WWOX: variants seen among roughly 807,000 people sequenced by gnomAD.
The protein encoded by WWOX is WW domain containing oxidoreductase.
A neutral mutation model predicts 46.2 loss-of-function variants in WWOX; 69 were observed. That is an observed-to-expected ratio of 1.49 (90% CI 1.23 to 1.82). The LOEUF (loss-of-function observed/expected upper bound fraction) is 1.82. WWOX is among the 40% of genes most tolerant of loss of function. The pLI is 0.00. For synonymous variants in WWOX, 359 were observed against 202.6 expected (o/e 1.77, Z -6.56); for missense variants, 919 against 542.6 (o/e 1.69, Z -6.89).
chr16:78,861,799 G>A (rs1283083258), intron 8 of WWOX, among the ~76,000 whole-genome samples: 1 of 152,092 alleles, frequency 6.6e-6, no homozygotes, highest in Non-Finnish European at 1.5e-5. Context: ...AAAAAGTCCA[G>A]AAATTGTTGA....
At chr16:78,865,919 C>T (rs369861113) in intron 8 of WWOX, among the ~76,000 whole-genome samples, 1 of 152,128 alleles carries the variant, frequency 6.6e-6, no homozygotes, top group Non-Finnish European at 1.5e-5. Context: ...GTGATAGTTA[C>T]TCAACAAATC....
intron 8 of WWOX, among the ~76,000 whole-genome samples, chr16:78,649,735 C>G (rs2046924027): frequency 6.6e-6 from 1 of 152,168 alleles, no homozygotes; most frequent in Non-Finnish European, 1.5e-5. Flanking sequence ...TGTGTTAAGT[C>G]TACAGTGTAT....
chr16:79,070,089 C>A (rs1437784846), intron 8 of WWOX, among the ~76,000 whole-genome samples: 2 of 152,194 alleles, frequency 1.3e-5, no homozygotes, highest in Non-Finnish European at 2.9e-5. Context: ...CTCCTCAAGA[C>A]TTATCATTCA....
chr16:78,104,484 A>G (rs1169650316), intron 1 of WWOX, among the ~76,000 whole-genome samples: 1 of 152,198 alleles, frequency 6.6e-6, no homozygotes, highest in African/African-American at 2.4e-5. Flanking sequence ...AGCCTGGGCC[A>G]CAGAATGAGA....
intron 8 of WWOX, among the ~76,000 whole-genome samples, chr16:78,982,656 G>T (rs992575955): frequency 2.0e-5 from 3 of 152,176 alleles, no homozygotes; most frequent in Non-Finnish European, 4.4e-5. Flanking sequence ...TATTTCTGGT[G>T]CAGGAGGACT....
chr16:78,107,776 C>G (rs2032244430), intron 1 of WWOX, among the ~76,000 whole-genome samples: 1 of 152,054 alleles, frequency 6.6e-6, no homozygotes, highest in South Asian at 2.1e-4. Flanking sequence ...TCCAGTCCAG[C>G]CTGGGCAACA....
chr16:78,493,550 T>C (rs965378612), intron 8 of WWOX, among the ~76,000 whole-genome samples: 1 of 152,214 alleles, frequency 6.6e-6, no homozygotes, highest in South Asian at 2.1e-4. Context: ...TAAAATATCT[T>C]TGGGGTGTTT....
chr16:78,829,298 A>T (rs1458509666), intron 8 of WWOX, among the ~76,000 whole-genome samples: 1 of 152,222 alleles, frequency 6.6e-6, no homozygotes, highest in Non-Finnish European at 1.5e-5. Flanking sequence ...CCTCATCCAA[A>T]GGCAGAAGAC....
intron 8 of WWOX, among the ~76,000 whole-genome samples, chr16:78,978,449 C>T (rs1228929906): frequency 1.3e-5 from 2 of 152,130 alleles, no homozygotes; most frequent in Admixed American, 1.3e-4. Flanking sequence ...GTTGCATTCC[C>T]ACCAGCGAAG....
chr16:78,611,011 C>T (rs1244608576), intron 8 of WWOX, among the ~76,000 whole-genome samples: 2 of 152,114 alleles, frequency 1.3e-5, no homozygotes, highest in Admixed American at 6.5e-5. Context: ...AAGTAGGAAG[C>T]AGGCAGAGTT....
chr16:78,732,994 C>G (rs1259120754), intron 8 of WWOX, among the ~76,000 whole-genome samples: 1 of 152,098 alleles, frequency 6.6e-6, no homozygotes, highest in East Asian at 1.9e-4. Context: ...CTTTTCTTTT[C>G]TAGTCTTTGT....
intron 8 of WWOX, among the ~76,000 whole-genome samples, chr16:78,532,483 C>T (rs927745679): frequency 6.6e-6 from 1 of 152,084 alleles, no homozygotes; most frequent in Non-Finnish European, 1.5e-5. Context: ...AGGATTGATA[C>T]TAGCTAGGGT....
chr16:79,153,817 G>C (rs1246894642), intron 8 of WWOX, among the ~76,000 whole-genome samples: 3 of 151,924 alleles, frequency 2.0e-5, no homozygotes, highest in African/African-American at 7.3e-5. Context: ...GCTCTTTTAG[G>C]GACATCTCTT....
intron 8 of WWOX, chr16:79,196,524 G>A (rs7196241): frequency 0.14 from 21,186 of 152,064 alleles, 2,369 homozygotes; most frequent in African/African-American, 0.31. Context: ...GAGTCTATTC[G>A]GACCCAACTT....
At chr16:78,138,134 A>T (rs2033863920) in intron 4 of WWOX, among the ~76,000 whole-genome samples, 1 of 150,778 alleles carries the variant, frequency 6.6e-6, no homozygotes, top group African/African-American at 2.4e-5. Flanking sequence ...AGCTGATGGT[A>T]GGACTGTAGA....
rs761608924 is a variant in WWOX, at chr16:78,708,426, C to T, written c.1056+275674C>T. Among the ~76,000 whole-genome samples, 32 of 152,122 alleles carry T rather than the reference C, an allele frequency of 2.1e-4. 1 individual carries two copies. Among genetic ancestry groups the T allele is most frequent in the Non-Finnish European group, 4.6e-4 (31 of 68,008 alleles). On this transcript the variant is annotated intron_variant, in intron 8 of 8. Transcript: ENST00000566780. ...CCTGTGACATCTTTTTGTTTCTGCC[C>T]TGCTGTGTCACAGGGTCTTGGTATC...
At chr16:79,186,262 G>A (rs1018403799) in intron 8 of WWOX, among the ~76,000 whole-genome samples, 1 of 152,176 alleles carries the variant, frequency 6.6e-6, no homozygotes, top group African/African-American at 2.4e-5. Flanking sequence ...AGCCTAGAGG[G>A]CTTCAAACAA....
At chr16:79,142,525 G>A (rs2050109705) in intron 8 of WWOX, among the ~76,000 whole-genome samples, 2 of 152,166 alleles carry the variant, frequency 1.3e-5, no homozygotes, top group Non-Finnish European at 2.9e-5. Context: ...ATACCTGGAA[G>A]GCATCTGGGA....
At chr16:79,080,995 C>A (rs1307316168) in intron 8 of WWOX, among the ~76,000 whole-genome samples, 1 of 152,184 alleles carries the variant, frequency 6.6e-6, no homozygotes, top group Admixed American at 6.5e-5. Flanking sequence ...TCCAAACACA[C>A]ACACGCACAT....
Sources: gnomAD v4.1 joint callset for allele counts (sites outside exome capture counted in the v4.1 genomes callset) on GRCh38, gnomAD v4.1.1 for gene constraint, MANE v1.5 for transcripts, NCBI Gene and HGNC (gene_info 2026-07-23, HGNC 2026-07-21) for gene names.